EGFR: variants seen among roughly 807,000 people sequenced by gnomAD.
EGFR encodes avian erythroblastic leukemia viral (v-erb-b) oncogene homolog.
In EGFR, 58 loss-of-function variants were observed where a neutral mutation model predicts 143.0. The observed-to-expected ratio is 0.41, with a 90% CI of 0.33 to 0.50. EGFR has a LOEUF of 0.50. EGFR is among the 20% of genes least tolerant of loss of function. EGFR has a pLI of 0.39. For missense variants in EGFR, 1,307 were observed against 1,579.0 expected (o/e 0.83, Z 2.92); for synonymous variants, 613 against 594.4 (o/e 1.03, Z -0.45).
intron 3 of EGFR, among the ~76,000 whole-genome samples, chr7:55,144,441 G>GC (rs979817565): frequency 8.5e-5 from 13 of 152,350 alleles, no homozygotes; most frequent in African/African-American, 3.1e-4. Context: ...GGCGCTCAAC[G>GC]CCCCTCCTGT....
chr7:55,143,476 A>G lies in EGFR; in HGVS notation c.412A>G (p.Arg138Gly), dbSNP rs2128927572. Residue 138 changes from arginine to glycine, a missense_variant, in exon 3 of 28, where the codon AGA becomes GGA. By Grantham distance (125) the Arg-to-Gly change is moderately radical (BLOSUM62 -2). Coordinates refer to ENST00000275493, the MANE Select transcript of EGFR (RefSeq NM_005228.5). ...NKTGLKELPMRNLQEILHGAV... is the reference protein window; with the variant it reads ...NKTGLKELPMGNLQEILHGAV... ...AACCGGACTGAAGGAGCTGCCCATG[A>G]GAAATTTACAGGGTGAGAGGCTGGG... 6.2e-7 allele frequency: 1 copy of G among 1,614,230 alleles called. No individual in the cohort carries two copies. The highest frequency in any genetic ancestry group is 1.1e-5 in the South Asian group (1 of 91,084).
chr7:55,020,559 TACACACACAC>T (rs11568315), intron 1 of EGFR, among the ~76,000 whole-genome samples: 5 of 145,152 alleles, frequency 3.4e-5, no homozygotes, highest in Non-Finnish European at 6.1e-5. Context: ...AAACCTGTCT[TACACACACAC>T]ACACACACAC....
intron 15 of EGFR, chr7:55,170,257 G>A (rs2128950320): frequency 6.2e-7 from 1 of 1,613,498 alleles, no homozygotes; most frequent in South Asian, 1.1e-5. Flanking sequence ...TTACACCAGG[G>A]CTCCCCAGGC....
intron 1 of EGFR, among the ~76,000 whole-genome samples, chr7:55,136,693 G>A (rs1794164542): frequency 6.6e-6 from 1 of 152,116 alleles, no homozygotes; most frequent in African/African-American, 2.4e-5. Context: ...TTCTAATGTT[G>A]AATTTTTTAT....
At chr7:55,138,169 A>G (rs1286602768) in intron 1 of EGFR, among the ~76,000 whole-genome samples, 3 of 152,220 alleles carry the variant, frequency 2.0e-5, no homozygotes, top group African/African-American at 7.2e-5. Context: ...TTTGCGGTAC[A>G]ATTCTTTCAG....
At chr7:55,036,271 TGGGGGGGGGGGGGTGG>T (rs1787569376) in intron 1 of EGFR, among the ~76,000 whole-genome samples, 3 of 22,398 alleles carry the variant, frequency 1.3e-4, no homozygotes, top group African/African-American at 1.8e-4. Flanking sequence ...TGTGTGTGTG[TGGGGGGGGGGGGGTGG>T]GTGTGTGTGT....
At chr7:55,087,054 G>C (rs958638605) in intron 1 of EGFR, among the ~76,000 whole-genome samples, 1 of 151,932 alleles carries the variant, frequency 6.6e-6, no homozygotes, top group Non-Finnish European at 1.5e-5. Flanking sequence ...GTTTACTTAG[G>C]CTTTCACTAC....
chr7:55,124,171 C>G (rs1793382622), intron 1 of EGFR, among the ~76,000 whole-genome samples: 1 of 152,190 alleles, frequency 6.6e-6, no homozygotes, highest in Admixed American at 6.5e-5. Context: ...TTAAAATGTT[C>G]AGACTTGATA....
intron 1 of EGFR, among the ~76,000 whole-genome samples, chr7:55,088,401 A>G (rs1049540319): frequency 3.9e-5 from 6 of 152,212 alleles, no homozygotes; most frequent in African/African-American, 1.4e-4. Flanking sequence ...CTCCATGTTC[A>G]TGGAACTTCC....
chr7:55,159,097 C>T (rs1785570105), intron 11 of EGFR, among the ~76,000 whole-genome samples: 1 of 152,172 alleles, frequency 6.6e-6, no homozygotes, highest in Non-Finnish European at 1.5e-5. Context: ...ACAGCTCCTC[C>T]ACAAGGTGCA....
intron 1 of EGFR, among the ~76,000 whole-genome samples, chr7:55,070,173 A>T (rs1354492230): frequency 6.6e-6 from 1 of 152,188 alleles, no homozygotes; most frequent in Non-Finnish European, 1.5e-5. Context: ...CCCCTATCCC[A>T]GGCTGCATCT....
chr7:55,122,326 A>G (rs1793255736), intron 1 of EGFR, among the ~76,000 whole-genome samples: 1 of 152,088 alleles, frequency 6.6e-6, no homozygotes, highest in African/African-American at 2.4e-5. Flanking sequence ...ACAGCCTCAC[A>G]TCGTTAGTGT....
intron 20 of EGFR, 38 bp from the exon 21 acceptor site, chr7:55,191,681 A>T (rs2128964260): frequency 6.2e-7 from 1 of 1,612,646 alleles, no homozygotes; most frequent in South Asian, 1.1e-5. Flanking sequence ...TCTTCCCATG[A>T]TGATCTGTCC....
At chr7:55,176,051 C>T (rs1303761404) in intron 19 of EGFR, among the ~76,000 whole-genome samples, 2 of 152,190 alleles carry the variant, frequency 1.3e-5, no homozygotes, top group Admixed American at 6.5e-5. Flanking sequence ...AGTCTATTAA[C>T]ATAACCACAA....
intron 22 of EGFR, among the ~76,000 whole-genome samples, chr7:55,193,753 T>C (rs1275616214): frequency 6.6e-6 from 1 of 152,234 alleles, no homozygotes; most frequent in Non-Finnish European, 1.5e-5. Flanking sequence ...TTTCCAAGAA[T>C]AATCTAGTCA....
chr7:55,151,967 A>G (rs1275870319), intron 5 of EGFR, among the ~76,000 whole-genome samples: 1 of 152,254 alleles, frequency 6.6e-6, no homozygotes, highest in Non-Finnish European at 1.5e-5. Context: ...CAGGAATGGA[A>G]GACTTGCTCC....
intron 1 of EGFR, among the ~76,000 whole-genome samples, chr7:55,117,548 C>T (rs1792939072): frequency 1.3e-5 from 2 of 152,308 alleles, no homozygotes; most frequent in East Asian, 1.9e-4. Flanking sequence ...TGGAGGAAAC[C>T]ACCTGGAATG....
intron 19 of EGFR, among the ~76,000 whole-genome samples, chr7:55,178,023 C>G (rs1333429072): frequency 6.6e-6 from 1 of 152,152 alleles, no homozygotes; most frequent in Non-Finnish European, 1.5e-5. Context: ...TGGGGCCTGG[C>G]GGGGCTCCAG....
In EGFR at chr7:55,174,692, G is replaced by A. The variant is rs758904586; in HGVS notation, c.2185-30G>A. The A allele has an allele frequency of 1.8e-5, 28 of 1,579,662 alleles. No homozygotes were observed. In the South Asian group the frequency reaches 2.8e-4, roughly 16 times the overall value. ...ATGTGGCACCATCTCACAATTGCCA[G>A]TTAACGTCTTCCTTCTCTCTCTGTC... On this transcript the variant is annotated intron_variant, in intron 18 of 27. Coordinates refer to ENST00000275493, the MANE Select transcript of EGFR (RefSeq NM_005228.5).
Sources: allele counts gnomAD v4.1 joint callset (sites outside exome capture counted in the v4.1 genomes callset), GRCh38; gene constraint gnomAD v4.1.1; transcripts MANE v1.5; gene names NCBI Gene and HGNC (gene_info 2026-07-23, HGNC 2026-07-21).